Variants in NRXN1 observed in about 807,000 individuals in gnomAD.
The protein encoded by NRXN1 is neurexin-1.
In NRXN1, 39 loss-of-function variants were observed where a neutral mutation model predicts 150.9. The ratio of observed to expected loss-of-function variants is 0.26; its 90% CI spans 0.20 to 0.34. NRXN1 has a LOEUF of 0.34. Ranked by LOEUF, NRXN1 falls within the 10% of genes least tolerant of loss-of-function variation. The probability of loss-of-function intolerance (pLI) is 1.00; values close to 1 mark genes in which losing one functional copy is unlikely to be tolerated. For missense variants in NRXN1, 1,815 were observed against 1,949.9 expected (o/e 0.93, Z 1.30); for synonymous variants, 924 against 757.0 (o/e 1.22, Z -3.62).
intron 18 of NRXN1, among the ~76,000 whole-genome samples, chr2:50,234,546 C>A (rs13001290): frequency 0.42 from 64,058 of 151,866 alleles, 13,735 homozygotes; most frequent in Middle Eastern, 0.46. Flanking sequence ...ATCTCCACAT[C>A]AAAGACTTGT....
chr2:50,367,355 G>A (rs1292234039), intron 17 of NRXN1, among the ~76,000 whole-genome samples: 2 of 152,168 alleles, frequency 1.3e-5, no homozygotes, highest in South Asian at 2.1e-4. Context: ...GGTATCTGAT[G>A]TGGGCTTATT....
At position 50,063,547 on chromosome 2, in the gene NRXN1, GACACAC is replaced by G. The variant is rs3046664; in HGVS notation, c.3719-8509_3719-8504del. ...CTCAACATCTCTGCCCACCTCAACA[GACACAC>G]ACACACACACACACACACACACACA... is the stretch of plus-strand genomic sequence containing the variant. On this transcript the variant is annotated intron_variant, in intron 19 of 22. Transcript: ENST00000401669. 1.7e-3 allele frequency among the ~76,000 whole-genome samples: 239 copies of G among 137,596 alleles called. 1 individual carries two copies. Among genetic ancestry groups the G allele is most frequent in the East Asian group, 5.2e-3 (24 of 4,606 alleles). 90.3% of individuals were successfully genotyped at this position (137,596 alleles called of 152,430 possible). A position where few individuals can be genotyped will look rare whatever the true frequency, so the allele number is the denominator to read the frequency against.
At chr2:50,166,004 G>A (rs1391668457) in intron 18 of NRXN1, among the ~76,000 whole-genome samples, 1 of 152,066 alleles carries the variant, frequency 6.6e-6, no homozygotes, top group African/African-American at 2.4e-5. Flanking sequence ...CTTTGAGTGT[G>A]TGTGTAACCT....
chr2:50,192,281 A>G (rs2061492211), intron 18 of NRXN1, among the ~76,000 whole-genome samples: 1 of 152,172 alleles, frequency 6.6e-6, no homozygotes, highest in Non-Finnish European at 1.5e-5. Flanking sequence ...TTATAGTATC[A>G]TTTTCTTTAA....
intron 5 of NRXN1, among the ~76,000 whole-genome samples, chr2:50,719,745 T>C (rs1002197236): frequency 2.0e-5 from 3 of 152,176 alleles, no homozygotes; most frequent in Non-Finnish European, 4.4e-5. Context: ...TTGATTGGGA[T>C]TATTAGCATA....
At chr2:50,728,835 A>G (rs1697727182) in intron 5 of NRXN1, among the ~76,000 whole-genome samples, 1 of 152,200 alleles carries the variant, frequency 6.6e-6, no homozygotes, top group Non-Finnish European at 1.5e-5. Flanking sequence ...GGTATGTTTT[A>G]GAAAAGTCAT....
chr2:50,175,422 C>T (rs2060294779), intron 18 of NRXN1, among the ~76,000 whole-genome samples: 1 of 152,070 alleles, frequency 6.6e-6, no homozygotes, highest in Non-Finnish European at 1.5e-5. Context: ...CTTCATTTTC[C>T]CTTTGTCTCC....
chr2:50,564,018 T>G (rs1669497955), intron 8 of NRXN1, among the ~76,000 whole-genome samples: 1 of 152,254 alleles, frequency 6.6e-6, no homozygotes, highest in African/African-American at 2.4e-5. Flanking sequence ...AGAAGTTGTA[T>G]AAGTTTGTTC....
chr2:50,148,859 A>G (rs555238389), intron 18 of NRXN1, among the ~76,000 whole-genome samples: 1 of 151,894 alleles, frequency 6.6e-6, no homozygotes, highest in South Asian at 2.1e-4. Context: ...TGATAATCCT[A>G]GGTCTGCAGA....
At chr2:50,884,755 A>C (rs1485439014) in intron 5 of NRXN1, among the ~76,000 whole-genome samples, 1 of 151,646 alleles carries the variant, frequency 6.6e-6, no homozygotes, top group East Asian at 1.9e-4. Context: ...AGTTGCAGTA[A>C]CATAGAAACC....
chr2:50,087,624 A>T (rs897617908), intron 19 of NRXN1, among the ~76,000 whole-genome samples: 7 of 152,190 alleles, frequency 4.6e-5, no homozygotes, highest in African/African-American at 1.7e-4. Flanking sequence ...GGCTTTCTCA[A>T]CTTTAAATGG....
intron 18 of NRXN1, among the ~76,000 whole-genome samples, chr2:50,157,665 G>A (rs1054113200): frequency 6.6e-6 from 1 of 151,992 alleles, no homozygotes; most frequent in African/African-American, 2.4e-5. Context: ...TAAGATAGAC[G>A]AAATGTTGTC....
chr2:50,636,975 A>G (rs905315134), intron 5 of NRXN1, among the ~76,000 whole-genome samples: 1 of 152,206 alleles, frequency 6.6e-6, no homozygotes, highest in Non-Finnish European at 1.5e-5. Flanking sequence ...ATAAAAGTAT[A>G]GAAGGATCAA....
At chr2:50,043,164 T>C (rs993807206) in intron 21 of NRXN1, among the ~76,000 whole-genome samples, 1 of 152,138 alleles carries the variant, frequency 6.6e-6, no homozygotes, top group Non-Finnish European at 1.5e-5. Flanking sequence ...CCAAACAATG[T>C]AGAATGCAAA....
chr2:50,713,131 G>T (rs1370231398), intron 5 of NRXN1, among the ~76,000 whole-genome samples: 1 of 151,968 alleles, frequency 6.6e-6, no homozygotes, highest in African/African-American at 2.4e-5. Context: ...TGGTCAAAAT[G>T]ACAAAACCCC....
chr2:50,859,932 G>C (rs576167485), intron 5 of NRXN1, among the ~76,000 whole-genome samples: 3 of 151,076 alleles, frequency 2.0e-5, no homozygotes, highest in South Asian at 2.1e-4. Flanking sequence ...TGTTGTATTG[G>C]ATACATATTT....
intron 5 of NRXN1, among the ~76,000 whole-genome samples, chr2:50,785,206 T>C (rs965620070): frequency 2.0e-5 from 3 of 151,172 alleles, no homozygotes; most frequent in African/African-American, 4.9e-5. Flanking sequence ...GGTACCTCGA[T>C]CGTGGATTCC....
intron 2 of NRXN1, among the ~76,000 whole-genome samples, chr2:51,015,705 T>C (rs758131106): frequency 5.3e-5 from 8 of 152,040 alleles, no homozygotes; most frequent in Non-Finnish European, 7.4e-5. Flanking sequence ...TACATTGTGA[T>C]AGAAGAAAGA....
At chr2:50,778,733 T>C (rs1235171793) in intron 5 of NRXN1, among the ~76,000 whole-genome samples, 2 of 152,172 alleles carry the variant, frequency 1.3e-5, no homozygotes, top group Non-Finnish European at 2.9e-5. Context: ...CTGCTACAGT[T>C]TCCCTGTCTA....
Sources: gnomAD v4.1 joint callset for allele counts (sites outside exome capture counted in the v4.1 genomes callset) on GRCh38, gnomAD v4.1.1 for gene constraint, MANE v1.5 for transcripts, NCBI Gene and HGNC (gene_info 2026-07-23, HGNC 2026-07-21) for gene names.